FAAH2: variants seen among roughly 807,000 people sequenced by gnomAD.
FAAH2 encodes the protein fatty-acid amide hydrolase 2.
In FAAH2, 60 loss-of-function variants were observed where a neutral mutation model predicts 36.9. The observed-to-expected ratio is 1.63, with a 90% confidence interval of 1.32 to 2.02. FAAH2 has a LOEUF of 2.02. FAAH2 is among the 30% of genes most tolerant of loss of function. The probability of loss-of-function intolerance (pLI) is 0.00; values close to 1 mark genes in which losing one functional copy is unlikely to be tolerated. For missense variants in FAAH2, 689 were observed against 397.5 expected, an observed-to-expected ratio of 1.73 and a Z score of -6.23; for synonymous variants, 214 against 143.8, an observed-to-expected ratio of 1.49 and a Z score of -3.49.
the FAAH2 span, among the ~76,000 whole-genome samples, chrX:57,241,537 T>A: frequency 8.9e-6 from 1 of 111,955 alleles, no homozygotes; most frequent in African/African-American, 3.2e-5. Flanking sequence ...ATTTGTAAAG[T>A]TCATTTTTAA....
intron 5 of FAAH2, among the ~76,000 whole-genome samples, chrX:57,353,793 A>C (rs1269495298): frequency 1.1e-5 from 1 of 91,151 alleles, no homozygotes; most frequent in Non-Finnish European, 2.2e-5. Context: ...CAAAGGACAT[A>C]AACAGACATT....
At chrX:57,125,877 A>C in the FAAH2 span, among the ~76,000 whole-genome samples, 1 of 112,106 alleles carries the variant, frequency 8.9e-6, no homozygotes, top group East Asian at 2.8e-4. Flanking sequence ...AAAAGAAAAA[A>C]ATGTGTTTAA....
chrX:57,480,059 C>T (rs2057351620), intron 10 of FAAH2, among the ~76,000 whole-genome samples: 1 of 111,117 alleles, frequency 9.0e-6, no homozygotes, highest in African/African-American at 3.3e-5. Flanking sequence ...AAGACTAAAC[C>T]AGGAAGAAGT....
At chrX:57,212,090 G>A in the FAAH2 span, among the ~76,000 whole-genome samples, 1 of 111,364 alleles carries the variant, frequency 9.0e-6, no homozygotes, top group African/African-American at 3.3e-5. Context: ...TAATTAGCCA[G>A]GCCTGTAGGT....
chrX:57,399,480 C>T (rs1266563819), intron 7 of FAAH2, among the ~76,000 whole-genome samples: 2 of 111,978 alleles, frequency 1.8e-5, no homozygotes. Context: ...CTTTCTCTTG[C>T]TGAGTACTGG....
intron 3 of FAAH2, among the ~76,000 whole-genome samples, chrX:57,322,380 C>T (rs1367525113): frequency 2.7e-5 from 3 of 111,863 alleles, no homozygotes; most frequent in African/African-American, 6.5e-5. Flanking sequence ...TGTTAGTTTG[C>T]TGGACTTCCT....
intron 5 of FAAH2, among the ~76,000 whole-genome samples, chrX:57,344,885 CT>C (rs771285268): frequency 2.7e-5 from 3 of 110,761 alleles, no homozygotes; most frequent in East Asian, 2.9e-4. Context: ...TGGTAAATCA[CT>C]TTTTTTTATT....
At chrX:57,397,956 T>G (rs1170992486) in intron 7 of FAAH2, among the ~76,000 whole-genome samples, 1 of 109,624 alleles carries the variant, frequency 9.1e-6, no homozygotes, top group Non-Finnish European at 1.9e-5. Flanking sequence ...ATGCGGTGTT[T>G]GGTTTTCTCT....
the FAAH2 span, among the ~76,000 whole-genome samples, chrX:57,255,089 G>T: frequency 4.5e-5 from 5 of 111,061 alleles, no homozygotes; most frequent in Admixed American, 4.8e-4. Flanking sequence ...AAATGATAAA[G>T]GGCTATCACC....
At chrX:57,377,226 C>T (rs997768160) in intron 5 of FAAH2, among the ~76,000 whole-genome samples, 1 of 112,053 alleles carries the variant, frequency 8.9e-6, no homozygotes, top group Admixed American at 9.5e-5. Flanking sequence ...TTGCCCATGC[C>T]TATGTCCTGA....
chrX:57,413,294 G>A (rs1367501828), intron 7 of FAAH2, among the ~76,000 whole-genome samples: 1 of 112,124 alleles, frequency 8.9e-6, no homozygotes, highest in Non-Finnish European at 1.9e-5. Context: ...TAAAGTCCTT[G>A]CCCATGCCTA....
intron 7 of FAAH2, among the ~76,000 whole-genome samples, chrX:57,389,008 G>A (rs758216380): frequency 9.2e-6 from 1 of 109,106 alleles, no homozygotes; most frequent in Non-Finnish European, 1.9e-5. Context: ...CCTAGTAAAG[G>A]ACATCTTGGT....
intron 10 of FAAH2, among the ~76,000 whole-genome samples, chrX:57,458,544 T>C (rs1230171113): frequency 1.8e-5 from 2 of 111,836 alleles, no homozygotes; most frequent in Admixed American, 9.4e-5. Context: ...GATGTCGAGA[T>C]GGCTGAATAG....
the FAAH2 span, among the ~76,000 whole-genome samples, chrX:57,149,593 C>T: frequency 9.0e-6 from 1 of 111,278 alleles, no homozygotes. Context: ...TCTGTGGGAT[C>T]GGTGGTGATA....
At chrX:57,274,373 A>G in the FAAH2 span, among the ~76,000 whole-genome samples, 1 of 112,344 alleles carries the variant, frequency 8.9e-6, no homozygotes, top group Non-Finnish European at 1.9e-5. Flanking sequence ...TATTCCAATC[A>G]ATAGAAAAAG....
chrX:57,148,638 T>C, the FAAH2 span, among the ~76,000 whole-genome samples: 1 of 112,082 alleles, frequency 8.9e-6, no homozygotes, highest in Non-Finnish European at 1.9e-5. Context: ...TGAAGTTGCT[T>C]ATCGGCTTAA....
chrX:57,237,857 T>C, the FAAH2 span, among the ~76,000 whole-genome samples: 1 of 111,426 alleles, frequency 9.0e-6, no homozygotes, highest in East Asian at 2.8e-4. Context: ...ACAGACACTT[T>C]TCAAAAGAAG....
the FAAH2 span, among the ~76,000 whole-genome samples, chrX:57,139,301 A>T: frequency 8.9e-6 from 1 of 112,234 alleles, no homozygotes; most frequent in African/African-American, 3.2e-5. Flanking sequence ...AACAACATTT[A>T]TTACAGAGAG....
chrX:57,275,851 T>C, the FAAH2 span, among the ~76,000 whole-genome samples: 43 of 111,665 alleles, frequency 3.9e-4, no homozygotes, highest in African/African-American at 1.3e-3. Flanking sequence ...GGTAAAGGGA[T>C]CAAATCAACA....
Sources: allele counts gnomAD v4.1 joint callset (sites outside exome capture counted in the v4.1 genomes callset), GRCh38; gene constraint gnomAD v4.1.1; transcripts MANE v1.5; gene names NCBI Gene and HGNC (gene_info 2026-07-23, HGNC 2026-07-21).